Variants in KCNH7 observed in about 807,000 individuals in gnomAD.
KCNH7 encodes the protein potassium voltage-gated channel subfamily H member 7, also known as voltage-gated inwardly rectifying potassium channel KCNH7.
In KCNH7, 49 loss-of-function variants were observed where a neutral mutation model predicts 120.8. The observed-to-expected ratio is 0.41, with a 90% CI of 0.32 to 0.51. The LOEUF is 0.51. KCNH7 is among the 20% of genes least tolerant of loss of function. KCNH7 has a pLI of 0.38. For missense variants in KCNH7, 1,097 were observed against 1,446.6 expected (o/e 0.76, Z 3.92); for synonymous variants, 547 against 516.1 (o/e 1.06, Z -0.81).
At chr2:162,528,783 T>C (rs570711723) in intron 3 of KCNH7, among the ~76,000 whole-genome samples, 2 of 152,090 alleles carry the variant, frequency 1.3e-5, no homozygotes, top group South Asian at 4.1e-4. Context: ...GGAATACTAA[T>C]TGTGAGACTA....
At position 162,446,417 on chromosome 2, in the gene KCNH7, T is replaced by C. The variant is rs369805368; in HGVS notation, c.1155A>G (p.Leu385=). The C allele has an allele frequency of 1.2e-6, 2 of 1,611,772 alleles. No homozygotes were observed. Among genetic ancestry groups the C allele is most frequent in the Non-Finnish European group, 1.7e-6 (2 of 1,178,710 alleles). The change falls in exon 7 of 16, where the codon CTA becomes CTG. Residue 385 remains leucine, a synonymous_variant. Transcript: ENST00000332142. ...TQVLSLGADV[L]PEYKLQTPRI... ...GTGGTGTCTGCAGTTTGTATTCAGG[T>C]AGGACATCTGCTCCTAAAGAGAGAA...
At chr2:162,501,791 C>T (rs189372637) in intron 6 of KCNH7, among the ~76,000 whole-genome samples, 2 of 152,130 alleles carry the variant, frequency 1.3e-5, no homozygotes, top group East Asian at 3.9e-4. Flanking sequence ...AAAGGTCCCA[C>T]CTCCAAATGC....
At chr2:162,670,470 C>CAAA (rs61610131) in intron 2 of KCNH7, among the ~76,000 whole-genome samples, 1,017 of 48,068 alleles carry the variant, frequency 0.021, 56 homozygotes, top group East Asian at 0.096. Context: ...CGAACTCTGT[C>CAAA]AAAAAAAAAA....
intron 2 of KCNH7, among the ~76,000 whole-genome samples, chr2:162,631,675 A>T (rs1196737344): frequency 6.6e-6 from 1 of 152,090 alleles, no homozygotes; most frequent in Non-Finnish European, 1.5e-5. Context: ...TATCTGAAAC[A>T]TCATAGAAAA....
rs185302801 is a variant in KCNH7 at position 162,409,135 on chromosome 2, T to C, written c.2155-8694A>G. On this transcript the variant is annotated intron_variant, in intron 9 of 15. Transcript: ENST00000332142. Reference sequence around the variant, plus strand: ...ACAGTAGCAAGCTAGCTTAAATACATCTAAGGGCTAATTCCGTGAATAAAA... The same window carrying C: ...ACAGTAGCAAGCTAGCTTAAATACACCTAAGGGCTAATTCCGTGAATAAAA... 6.9e-4 allele frequency among the ~76,000 whole-genome samples: 104 copies of C among 151,774 alleles called. 1 individual carries two copies. Among genetic ancestry groups the C allele is most frequent in the Admixed American group, 6.8e-3 (104 of 15,206 alleles).
chr2:162,392,067 G>A (rs925615262), intron 12 of KCNH7, among the ~76,000 whole-genome samples: 6 of 152,118 alleles, frequency 3.9e-5, no homozygotes, highest in South Asian at 2.1e-4. Flanking sequence ...GTTATCTACA[G>A]TTTGGCAAAG....
intron 2 of KCNH7, among the ~76,000 whole-genome samples, chr2:162,583,652 G>T (rs1317646207): frequency 2.0e-5 from 3 of 152,034 alleles, no homozygotes; most frequent in Non-Finnish European, 2.9e-5. Context: ...AATTTCAAAT[G>T]TTCACAGTTC....
intron 2 of KCNH7, among the ~76,000 whole-genome samples, chr2:162,708,791 A>G (rs1420077368): frequency 6.6e-6 from 1 of 152,092 alleles, no homozygotes; most frequent in Non-Finnish European, 1.5e-5. Flanking sequence ...GAGAAAGACT[A>G]GAGAAAGAAC....
intron 7 of KCNH7, among the ~76,000 whole-genome samples, chr2:162,438,513 T>C (rs1465021849): frequency 2.0e-5 from 3 of 152,172 alleles, no homozygotes; most frequent in Non-Finnish European, 4.4e-5. Flanking sequence ...TGTTAAATAA[T>C]TGCAGAAGTA....
At chr2:162,506,034 T>A (rs187344732) in intron 5 of KCNH7, among the ~76,000 whole-genome samples, 2 of 152,058 alleles carry the variant, frequency 1.3e-5, no homozygotes, top group African/African-American at 4.8e-5. Context: ...TTATAAAAGT[T>A]TGAAGTAATC....
chr2:162,532,481 A>T (rs1400830403), intron 3 of KCNH7, among the ~76,000 whole-genome samples: 1 of 151,974 alleles, frequency 6.6e-6, no homozygotes, highest in African/African-American at 2.4e-5. Context: ...TGTCGGCAAC[A>T]GTTGATGTAA....
At chr2:162,837,984 C>T (rs757438547) in intron 1 of KCNH7, among the ~76,000 whole-genome samples, 1 of 152,186 alleles carries the variant, frequency 6.6e-6, no homozygotes, top group Non-Finnish European at 1.5e-5. Flanking sequence ...CCGTGTCATA[C>T]CACTGCTTTG....
intron 2 of KCNH7, among the ~76,000 whole-genome samples, chr2:162,571,451 A>T (rs1263758385): frequency 7.0e-6 from 1 of 142,864 alleles, no homozygotes; most frequent in African/African-American, 2.6e-5. Flanking sequence ...AATCAATATC[A>T]TGAAAATGGC....
intron 6 of KCNH7, among the ~76,000 whole-genome samples, chr2:162,488,109 G>C (rs137863640): frequency 6.6e-6 from 1 of 152,198 alleles, no homozygotes; most frequent in Non-Finnish European, 1.5e-5. Context: ...TTTATCTCAA[G>C]ATTGACAACA....
chr2:162,461,610 A>G (rs1689147718), intron 6 of KCNH7, among the ~76,000 whole-genome samples: 1 of 152,250 alleles, frequency 6.6e-6, no homozygotes, highest in Non-Finnish European at 1.5e-5. Flanking sequence ...TGCAAAAGAC[A>G]GATGGTTAGG....
intron 2 of KCNH7, among the ~76,000 whole-genome samples, chr2:162,778,731 G>A (rs978794950): frequency 2.6e-5 from 4 of 152,134 alleles, no homozygotes; most frequent in Non-Finnish European, 5.9e-5. Flanking sequence ...AAATGGGTGT[G>A]ATTCACATTT....
intron 2 of KCNH7, among the ~76,000 whole-genome samples, chr2:162,575,095 C>A (rs1257028699): frequency 6.6e-6 from 1 of 152,030 alleles, no homozygotes; most frequent in Non-Finnish European, 1.5e-5. Context: ...ACAGCCCCAA[C>A]CCCCTCTTCT....
At chr2:162,427,629 T>C (rs1317316974) in intron 8 of KCNH7, among the ~76,000 whole-genome samples, 1 of 151,986 alleles carries the variant, frequency 6.6e-6, no homozygotes, top group Non-Finnish European at 1.5e-5. Context: ...GAAAATATTT[T>C]CTTCCAGTCT....
chr2:162,814,112 G>A (rs887064994), intron 2 of KCNH7, among the ~76,000 whole-genome samples: 1 of 152,088 alleles, frequency 6.6e-6, no homozygotes, highest in Non-Finnish European at 1.5e-5. Context: ...ACAAAATAAA[G>A]GCTGTTGAAA....
Sources: allele counts gnomAD v4.1 joint callset (sites outside exome capture counted in the v4.1 genomes callset), GRCh38; gene constraint gnomAD v4.1.1; transcripts MANE v1.5; gene names NCBI Gene and HGNC (gene_info 2026-07-23, HGNC 2026-07-21).